The following STK32B variants were observed in gnomAD, a reference collection of about 807,000 sequenced individuals.
STK32B encodes the protein serine/threonine-protein kinase 32B.
A neutral mutation model predicts 52.6 loss-of-function variants in STK32B; 43 were observed. The ratio of observed to expected loss-of-function variants is 0.82; its 90% CI spans 0.64 to 1.05. The LOEUF (loss-of-function observed/expected upper bound fraction) is 1.05, where lower values mean the gene tolerates loss of function less well. Ranked by LOEUF, STK32B falls within the 50% of genes least tolerant of loss-of-function variation. The probability of loss-of-function intolerance (pLI) is 0.00; values close to 1 mark genes in which losing one functional copy is unlikely to be tolerated. For missense variants in STK32B, 621 were observed against 534.6 expected (o/e 1.16, Z -1.59); for synonymous variants, 238 against 204.3 (o/e 1.17, Z -1.41).
chr4:5,447,189 C>G (rs1715538573), intron 7 of STK32B: 1 of 158,112 alleles, frequency 6.3e-6, no homozygotes, highest in Admixed American at 6.2e-5. Flanking sequence ...CACATCTTCC[C>G]TGAATATCTA....
At chr4:5,258,172 T>C (rs1256651297) in intron 3 of STK32B, among the ~76,000 whole-genome samples, 1 of 152,096 alleles carries the variant, frequency 6.6e-6, no homozygotes, top group African/African-American at 2.4e-5. Context: ...ATTAGTGTTG[T>C]GAGGATCAAG....
At chr4:5,438,823 A>G (rs1052366310) in intron 6 of STK32B, among the ~76,000 whole-genome samples, 12 of 152,058 alleles carry the variant, frequency 7.9e-5, no homozygotes, top group African/African-American at 1.2e-4. Context: ...TCATTGTTCA[A>G]TTCCCACCTA....
intron 3 of STK32B, among the ~76,000 whole-genome samples, chr4:5,261,988 T>G (rs1452055713): frequency 1.3e-5 from 2 of 152,162 alleles, no homozygotes; most frequent in African/African-American, 4.8e-5. Context: ...CATATACAAT[T>G]AGCACATATG....
At chr4:5,250,778 C>G (rs962627636) in intron 3 of STK32B, among the ~76,000 whole-genome samples, 2 of 152,106 alleles carry the variant, frequency 1.3e-5, no homozygotes, top group Non-Finnish European at 2.9e-5. Context: ...GAGATGGCAT[C>G]TCATTGTGGT....
intron 3 of STK32B, among the ~76,000 whole-genome samples, chr4:5,216,644 C>A (rs2108791825): frequency 6.6e-6 from 1 of 152,242 alleles, no homozygotes; most frequent in South Asian, 2.1e-4. Context: ...ATGGGCAGTG[C>A]AGTCTGTACA....
intron 1 of STK32B, among the ~76,000 whole-genome samples, chr4:5,055,840 G>A (rs1193329515): frequency 1.3e-5 from 2 of 150,950 alleles, no homozygotes; most frequent in African/African-American, 4.9e-5. Context: ...TACTTAAAAT[G>A]TCATTCCAAA....
At chr4:5,159,689 A>ATATGAATATATATATGAATG (rs1560186330) in intron 2 of STK32B, among the ~76,000 whole-genome samples, 1 of 104,760 alleles carries the variant, frequency 9.5e-6, no homozygotes, top group Non-Finnish European at 1.7e-5. Context: ...ATATATGAAT[A>ATATGAATATATATATGAATG]TATATGAATA....
intron 8 of STK32B, among the ~76,000 whole-genome samples, chr4:5,458,105 A>G (rs1246630945): frequency 2.0e-5 from 3 of 152,140 alleles, no homozygotes; most frequent in African/African-American, 7.2e-5. Context: ...AGAAACGCAC[A>G]TCCTCAGGCT....
chr4:5,280,664 G>A (rs1358001234), intron 3 of STK32B, among the ~76,000 whole-genome samples: 2 of 152,152 alleles, frequency 1.3e-5, no homozygotes, highest in African/African-American at 4.8e-5. Flanking sequence ...GGAGGCCGAG[G>A]TGGGTGGGTC....
At chr4:5,195,665 C>T (rs547117184) in intron 3 of STK32B, among the ~76,000 whole-genome samples, 62 of 152,210 alleles carry the variant, frequency 4.1e-4, no homozygotes, top group Non-Finnish European at 7.9e-4. Flanking sequence ...CTACTCCAGC[C>T]TGGCGACAGA....
intron 3 of STK32B, among the ~76,000 whole-genome samples, chr4:5,312,967 T>A (rs1270492689): frequency 6.6e-6 from 1 of 152,054 alleles, no homozygotes; most frequent in Non-Finnish European, 1.5e-5. Flanking sequence ...TACTTTTAAA[T>A]TCATTTTATG....
chr4:5,449,532 G>T (rs1408985901), intron 7 of STK32B, among the ~76,000 whole-genome samples: 2 of 152,328 alleles, frequency 1.3e-5, no homozygotes, highest in East Asian at 3.9e-4. Flanking sequence ...AGTCCTGTTG[G>T]CAGGTTTGAG....
chr4:5,245,843 G>A, intron 3 of STK32B, among the ~76,000 whole-genome samples: 1 of 152,156 alleles, frequency 6.6e-6, no homozygotes. Flanking sequence ...GGTTAGTTTG[G>A]TGGGATATGA....
intron 2 of STK32B, among the ~76,000 whole-genome samples, chr4:5,146,904 C>G (rs926036013): frequency 6.6e-6 from 1 of 152,132 alleles, no homozygotes; most frequent in Non-Finnish European, 1.5e-5. Flanking sequence ...TATTCTAGAT[C>G]ATTGATTTTC....
intron 3 of STK32B, among the ~76,000 whole-genome samples, chr4:5,228,868 G>A (rs1292161819): frequency 6.6e-6 from 1 of 152,122 alleles, no homozygotes; most frequent in Non-Finnish European, 1.5e-5. Flanking sequence ...TCGGAAGCCT[G>A]AGACAGGAGA....
At chr4:5,313,294 A>G (rs1730437059) in intron 3 of STK32B, among the ~76,000 whole-genome samples, 2 of 152,028 alleles carry the variant, frequency 1.3e-5, no homozygotes, top group African/African-American at 2.4e-5. Flanking sequence ...CTATTATTAT[A>G]TCAATTGATG....
chr4:5,130,582 A>G (rs923637713), intron 1 of STK32B, among the ~76,000 whole-genome samples: 9 of 152,144 alleles, frequency 5.9e-5, no homozygotes, highest in Admixed American at 2.6e-4. Flanking sequence ...TGAGAACTGC[A>G]GTGGTCTAAT....
At chr4:5,198,274 T>C (rs1410208068) in intron 3 of STK32B, among the ~76,000 whole-genome samples, 1 of 152,234 alleles carries the variant, frequency 6.6e-6, no homozygotes, top group Admixed American at 6.5e-5. Context: ...TGAAACATAC[T>C]GTGAAATTGC....
chr4:5,332,209 A>G lies in STK32B; in HGVS notation c.434+816A>G, dbSNP rs559962787. Among the ~76,000 whole-genome samples, 4 of 152,350 alleles carry G rather than the reference A, an allele frequency of 2.6e-5. No homozygotes were observed. In the South Asian group the frequency reaches 6.2e-4, roughly 24 times the overall value. ...AAACTCCATTAAATGACAGTAAGGA[A>G]TGTTTGAAAAGTGATAAAGTTATGA... On this transcript the variant is annotated intron_variant, in intron 4 of 11. Coordinates refer to ENST00000282908, the MANE Select transcript of STK32B (RefSeq NM_018401.3).
Sources: gnomAD v4.1 joint callset for allele counts (sites outside exome capture counted in the v4.1 genomes callset) on GRCh38, gnomAD v4.1.1 for gene constraint, MANE v1.5 for transcripts, NCBI Gene and HGNC (gene_info 2026-07-23, HGNC 2026-07-21) for gene names.